The following UVRAG variants were observed in gnomAD, a reference collection of about 807,000 sequenced individuals.
UVRAG encodes UV radiation resistance-associated gene protein.
A neutral mutation model predicts 78.0 loss-of-function variants in UVRAG; 19 were observed. That is an observed-to-expected ratio of 0.24 (90% CI 0.17 to 0.36). The LOEUF (loss-of-function observed/expected upper bound fraction) is 0.36, where lower values mean the gene tolerates loss of function less well. Among genes scored for constraint, UVRAG ranks in the 10% least tolerant of loss-of-function variants. The probability of loss-of-function intolerance (pLI) is 1.00; values close to 1 mark genes in which losing one functional copy is unlikely to be tolerated. For missense variants in UVRAG, 740 were observed against 853.8 expected (o/e 0.87, Z 1.66); for synonymous variants, 323 against 324.6 (o/e 1.00, Z 0.05).
chr11:76,020,498 T>C (rs772832529), intron 12 of UVRAG, among the ~76,000 whole-genome samples: 2 of 151,980 alleles, frequency 1.3e-5, no homozygotes, highest in Admixed American at 6.6e-5. Context: ...CATTCCCTTC[T>C]GGCCCAGCGT....
intron 1 of UVRAG, among the ~76,000 whole-genome samples, chr11:75,836,358 G>A (rs1386408915): frequency 6.6e-6 from 1 of 152,088 alleles, no homozygotes; most frequent in Admixed American, 6.6e-5. Flanking sequence ...TAAAACTGAG[G>A]CCCTAAGTAA....
At position 75,890,602 on chromosome 11, in the gene UVRAG, A is replaced by G. The variant is rs755191161; in HGVS notation, c.507+1699A>G. Among the ~76,000 whole-genome samples the G allele has an allele frequency of 4.2e-4, 64 of 152,318 alleles. 1 individual carries two copies. Among genetic ancestry groups the G allele is most frequent in the South Asian group, 1.9e-3 (9 of 4,822 alleles). ...TTGCGATTTGATCCTGTGGAGTTTG[A>G]GATGCCTTTGAGACATTCATGTGTA... On this transcript the variant is annotated intron_variant, in intron 5 of 14. Transcript: ENST00000356136.
At chr11:76,053,795 C>T (rs1950921830) in intron 12 of UVRAG, among the ~76,000 whole-genome samples, 2 of 152,068 alleles carry the variant, frequency 1.3e-5, no homozygotes, top group South Asian at 2.1e-4. Context: ...CATGGTGAAA[C>T]CCCGTTTCTA....
chr11:75,909,097 C>G (rs1369333445), intron 5 of UVRAG, among the ~76,000 whole-genome samples: 2 of 152,006 alleles, frequency 1.3e-5, no homozygotes, highest in African/African-American at 4.8e-5. Context: ...CCTGTAATCC[C>G]AGCACTTTGG....
intron 12 of UVRAG, among the ~76,000 whole-genome samples, chr11:76,053,742 C>T (rs537325716): frequency 6.6e-6 from 1 of 152,216 alleles, no homozygotes; most frequent in Admixed American, 6.5e-5. Context: ...GAGGCCAAAG[C>T]AGGCGGATCA....
intron 13 of UVRAG, among the ~76,000 whole-genome samples, chr11:76,084,670 A>G (rs748540403): frequency 5.3e-5 from 8 of 152,330 alleles, no homozygotes; most frequent in Non-Finnish European, 7.3e-5. Context: ...TACCAGCCAA[A>G]AAGTATTAAT....
intron 6 of UVRAG, among the ~76,000 whole-genome samples, chr11:75,932,585 A>T (rs1948267018): frequency 6.6e-6 from 1 of 152,108 alleles, no homozygotes; most frequent in African/African-American, 2.4e-5. Flanking sequence ...TGCCTGGCCC[A>T]GATGATATGA....
chr11:76,001,959 T>A (rs1325207636), intron 8 of UVRAG, among the ~76,000 whole-genome samples: 1 of 152,182 alleles, frequency 6.6e-6, no homozygotes, highest in Non-Finnish European at 1.5e-5. Flanking sequence ...CAGAAACCAT[T>A]AATCAAGCTC....
rs11825633 is a variant in UVRAG, at chr11:75,989,156, G to A, written c.826+5643G>A. ...GCCCACTGCAGCTTTCTGGGTTCAA[G>A]AGACTCTCCTGCCTCAGCCTCCTCA... On this transcript the variant is annotated intron_variant, in intron 8 of 14. Coordinates refer to ENST00000356136, the MANE Select transcript of UVRAG (RefSeq NM_003369.4). Among the ~76,000 whole-genome samples, 1,422 of 152,192 alleles carry A rather than the reference G, an allele frequency of 9.3e-3. 20 individuals are homozygous for A. The highest frequency in any genetic ancestry group is 0.033 in the African/African-American group (1,366 of 41,498).
At chr11:76,085,107 A>T (rs963408094) in intron 13 of UVRAG, among the ~76,000 whole-genome samples, 1 of 151,586 alleles carries the variant, frequency 6.6e-6, no homozygotes, top group African/African-American at 2.4e-5. Context: ...GTTCTGATGA[A>T]TCCCCCACCA....
At chr11:76,118,926 A>G (rs1952230087) in intron 14 of UVRAG, among the ~76,000 whole-genome samples, 1 of 152,226 alleles carries the variant, frequency 6.6e-6, no homozygotes, top group African/African-American at 2.4e-5. Flanking sequence ...TCTTAAAGGT[A>G]TGGTAGAACC....
At chr11:75,912,304 C>T (rs989022773) in intron 6 of UVRAG, among the ~76,000 whole-genome samples, 2 of 152,160 alleles carry the variant, frequency 1.3e-5, no homozygotes, top group Non-Finnish European at 2.9e-5. Context: ...GAACTGTTTT[C>T]TGGTCTTCTG....
chr11:76,079,822 A>G (rs1951465674), intron 13 of UVRAG, among the ~76,000 whole-genome samples: 1 of 152,224 alleles, frequency 6.6e-6, no homozygotes, highest in Non-Finnish European at 1.5e-5. Context: ...ACAGTTAAAT[A>G]TGTTTATCAT....
chr11:76,046,936 T>C (rs1445798039), intron 12 of UVRAG, among the ~76,000 whole-genome samples: 1 of 152,206 alleles, frequency 6.6e-6, no homozygotes, highest in Non-Finnish European at 1.5e-5. Context: ...GTAGAACATT[T>C]TGTTTTTTCA....
intron 14 of UVRAG, among the ~76,000 whole-genome samples, chr11:76,129,116 G>T (rs1171864945): frequency 6.6e-6 from 1 of 152,184 alleles, no homozygotes; most frequent in Non-Finnish European, 1.5e-5. Context: ...TCTTAGAAAT[G>T]AGGAAACTGA....
intron 14 of UVRAG, among the ~76,000 whole-genome samples, chr11:76,131,241 AC>A (rs760481799): frequency 1.6e-4 from 25 of 151,892 alleles, no homozygotes; most frequent in Admixed American, 1.6e-3. Flanking sequence ...GGTTGACTTG[AC>A]CCCTCCCAGG....
At chr11:75,969,434 C>A in intron 7 of UVRAG, among the ~76,000 whole-genome samples, 1 of 152,052 alleles carries the variant, frequency 6.6e-6, no homozygotes, top group African/African-American at 2.4e-5. Flanking sequence ...ACCTTGTGGA[C>A]TTTTGGTTTC....
intron 1 of UVRAG, among the ~76,000 whole-genome samples, chr11:75,831,115 G>A (rs933722962): frequency 6.6e-6 from 1 of 152,208 alleles, no homozygotes; most frequent in South Asian, 2.1e-4. Context: ...AATGTTAGCT[G>A]TTGCTACTGT....
chr11:75,888,278 C>T (rs28498742), intron 4 of UVRAG, among the ~76,000 whole-genome samples: 35,176 of 151,770 alleles, frequency 0.23, 4,380 homozygotes, highest in Non-Finnish European at 0.28. Flanking sequence ...GGACCACAGG[C>T]GTGCACCATC....
Sources: allele counts gnomAD v4.1 joint callset (sites outside exome capture counted in the v4.1 genomes callset), GRCh38; gene constraint gnomAD v4.1.1; transcripts MANE v1.5; gene names NCBI Gene and HGNC (gene_info 2026-07-23, HGNC 2026-07-21).